Variants in NFE2L2 observed in about 807,000 individuals in gnomAD.
NFE2L2 encodes NFE2 like bZIP transcription factor 2.
NFE2L2 carries 20 observed loss-of-function variants against 49.6 expected under a neutral mutation model. The observed-to-expected ratio is 0.40, with a 90% CI of 0.28 to 0.59. The LOEUF (loss-of-function observed/expected upper bound fraction) is 0.59. Among genes scored for constraint, NFE2L2 ranks in the 20% least tolerant of loss-of-function variants. NFE2L2 has a pLI of 0.40. For missense variants in NFE2L2, 578 were observed against 714.2 expected (o/e 0.81, Z 2.17); for synonymous variants, 244 against 256.5 (o/e 0.95, Z 0.47).
intron 1 of NFE2L2, among the ~76,000 whole-genome samples, chr2:177,257,668 G>C (rs1690575720): frequency 6.6e-6 from 1 of 152,216 alleles, no homozygotes; most frequent in South Asian, 2.1e-4. Flanking sequence ...TGGCTGCGGA[G>C]GGGTCAGTGG....
rs181805076 is a variant in NFE2L2 at position 177,261,959 on chromosome 2, T to C, written c.45+2573A>G. ...GATTTATCCTCAATAAAAACAAATA[T>C]TAAGAAAAATGATGCATTTGGCTTT... On this transcript the variant is annotated intron_variant, in intron 1 of 4. Coordinates refer to ENST00000397062, the MANE Select transcript of NFE2L2 (RefSeq NM_006164.5). Among the ~76,000 whole-genome samples, 150 of 152,282 alleles carry C rather than the reference T, an allele frequency of 9.9e-4. 1 individual carries two copies. Among genetic ancestry groups the C allele is most frequent in the Admixed American group, 5.6e-3 (85 of 15,292 alleles).
intron 1 of NFE2L2, among the ~76,000 whole-genome samples, chr2:177,253,527 C>T (rs1690413319): frequency 6.6e-6 from 1 of 152,160 alleles, no homozygotes; most frequent in Non-Finnish European, 1.5e-5. Flanking sequence ...CTGAAAGATT[C>T]CTAGGGTGTG....
chr2:177,261,975 A>G (rs1690759423), intron 1 of NFE2L2, among the ~76,000 whole-genome samples: 1 of 152,210 alleles, frequency 6.6e-6, no homozygotes, highest in Non-Finnish European at 1.5e-5. Flanking sequence ...AAAATGATGC[A>G]TTTGGCTTTC....
In NFE2L2 at chr2:177,230,974, T is replaced by C. The variant is rs2105451196; in HGVS notation, c.1629A>G (p.Lys543=). 2 of 1,609,500 alleles carry C rather than the reference T, an allele frequency of 1.2e-6. No homozygotes were observed. Among genetic ancestry groups the C allele is most frequent in the Middle Eastern group, 1.7e-4 (1 of 6,052 alleles). ...GGTGAAGGCTTTTGTCATTTTCTCC[T>C]TTTTCTTTGAGCAATTTTTCTTTTT... The part of the protein sequence containing the change: ...KDEKEKLLKE[K]GENDKSLHLL... Residue 543 remains lysine (K), a synonymous_variant, in exon 5 of 5, where the codon AAA becomes AAG. Transcript: ENST00000397062.
Position 177,264,605 on chromosome 2 carries a change from C to T in NFE2L2, c.-29G>A, listed in dbSNP as rs773533697. On this transcript the variant is annotated 5_prime_UTR_variant, in exon 1 of 5. Coordinates refer to ENST00000397062, the MANE Select transcript of NFE2L2 (RefSeq NM_006164.5). ...GAGCTGTGGACCGTGTGTTGGGGCT[C>T]CCCGACGGCGGCCCTGTTCCGGCTG... 5.5e-6 allele frequency: 8 copies of T among 1,449,398 alleles called. No individual in the cohort carries two copies. The South Asian group carries it at 1.1e-4, about 20-fold the overall frequency. The allele number at this position is 1,449,398 out of a possible 1,614,324, so 89.8% of individuals were successfully genotyped here.
intron 1 of NFE2L2, among the ~76,000 whole-genome samples, chr2:177,247,092 A>C (rs767811706): frequency 6.6e-6 from 1 of 152,184 alleles, no homozygotes; most frequent in Non-Finnish European, 1.5e-5. Flanking sequence ...CCTAAGATAA[A>C]TACTTAAAAG....
At chr2:177,249,217 C>CATAAATAA (rs71007982) in intron 1 of NFE2L2, among the ~76,000 whole-genome samples, 4,051 of 145,982 alleles carry the variant, frequency 0.028, 89 homozygotes, top group South Asian at 0.046. Context: ...ACCCGGTCTC[C>CATAAATAA]ATAAATAAAT....
chr2:177,233,895 G>A, intron 2 of NFE2L2, 110 bp downstream of exon 2: 1 of 1,422,544 alleles, frequency 7.0e-7, no homozygotes. Flanking sequence ...GATTTGACAA[G>A]GTTAAGTAAA....
intron 1 of NFE2L2, among the ~76,000 whole-genome samples, chr2:177,242,528 G>T (rs182398641): frequency 1.5e-4 from 23 of 152,286 alleles, no homozygotes; most frequent in Non-Finnish European, 3.2e-4. Flanking sequence ...CTTTCCACTA[G>T]AAAGTGGTCC....
At chr2:177,242,211 C>CA (rs1033365435) in intron 1 of NFE2L2, among the ~76,000 whole-genome samples, 13 of 152,118 alleles carry the variant, frequency 8.5e-5, no homozygotes, top group African/African-American at 3.1e-4. Context: ...ATACTGGAGA[C>CA]AAAAGGGGCC....
At chr2:177,233,948 T>A (rs1429832117) in intron 2 of NFE2L2, 57 bp downstream of exon 2, 4 of 1,594,500 alleles carry the variant, frequency 2.5e-6, no homozygotes, top group Non-Finnish European at 3.4e-6. Flanking sequence ...TTTTAATTCC[T>A]TGCTCAGTGT....
intron 1 of NFE2L2, among the ~76,000 whole-genome samples, chr2:177,260,641 G>C (rs920422717): frequency 1.3e-5 from 2 of 152,030 alleles, no homozygotes; most frequent in Non-Finnish European, 2.9e-5. Flanking sequence ...CCTTCAGCCT[G>C]GTTTAACCCT....
At chr2:177,252,826 G>A (rs926239889) in intron 1 of NFE2L2, among the ~76,000 whole-genome samples, 3 of 152,002 alleles carry the variant, frequency 2.0e-5, no homozygotes, top group African/African-American at 4.8e-5. Flanking sequence ...CAACTAAGCC[G>A]TCACAACAAT....
rs529400288 is a variant in NFE2L2 at position 177,262,096 on chromosome 2, G to A, written c.45+2436C>T. Among the ~76,000 whole-genome samples the A allele has an allele frequency of 8.5e-5, 13 of 152,292 alleles. No individual in the cohort carries two copies. The East Asian group carries it at 1.9e-3, about 23-fold the overall frequency. ...AAATGGCCCAAGTTATTTTTAATGC[G>A]TAAAAGACTGATGTGAGTTATGCAT... On this transcript the variant is annotated intron_variant, in intron 1 of 4. Transcript: ENST00000397062.
At chr2:177,259,404 C>T (rs1161032048) in intron 1 of NFE2L2, among the ~76,000 whole-genome samples, 2 of 152,126 alleles carry the variant, frequency 1.3e-5, no homozygotes, top group East Asian at 3.9e-4. Context: ...TGCTCAAATA[C>T]ACAAAAAGAC....
intron 1 of NFE2L2, chr2:177,263,438 C>A: frequency 3.0e-6 from 3 of 985,496 alleles, no homozygotes; most frequent in Non-Finnish European, 3.6e-6. Flanking sequence ...CCGTCTTACA[C>A]ATTTTGGAAT....
At chr2:177,256,499 C>CAAAAAAAA (rs35073132) in intron 1 of NFE2L2, among the ~76,000 whole-genome samples, 4 of 75,076 alleles carry the variant, frequency 5.3e-5, no homozygotes, top group Non-Finnish European at 7.8e-5. Context: ...TACATTCTTG[C>CAAAAAAAA]AAAAAAAAAA....
intron 1 of NFE2L2, among the ~76,000 whole-genome samples, chr2:177,261,207 G>C (rs1201838378): frequency 6.7e-6 from 1 of 149,692 alleles, no homozygotes; most frequent in African/African-American, 2.5e-5. Flanking sequence ...AAACAGTCCT[G>C]CCTTTCTAAA....
chr2:177,245,002 CAAAAAAAAAAAAAAA>C (rs56326022), intron 1 of NFE2L2, among the ~76,000 whole-genome samples: 1 of 49,048 alleles, frequency 2.0e-5, no homozygotes, highest in Non-Finnish European at 3.7e-5. Flanking sequence ...GACTCTGTCT[CAAAAAAAAAAAAAAA>C]AAAAAAAAAG....
Sources: allele counts gnomAD v4.1 joint callset (sites outside exome capture counted in the v4.1 genomes callset), GRCh38; gene constraint gnomAD v4.1.1; transcripts MANE v1.5; gene names NCBI Gene and HGNC (gene_info 2026-07-23, HGNC 2026-07-21).